Variants in CENPF observed in about 807,000 individuals in gnomAD.
CENPF encodes AH antigen.
A neutral mutation model predicts 307.3 loss-of-function variants in CENPF; 214 were observed. That is an observed-to-expected ratio of 0.70 (90% CI 0.62 to 0.78). The LOEUF (loss-of-function observed/expected upper bound fraction) is 0.78, where lower values mean the gene tolerates loss of function less well. Among genes scored for constraint, CENPF ranks in the 30% least tolerant of loss-of-function variants. The probability of loss-of-function intolerance (pLI) is 0.00; values close to 1 mark genes in which losing one functional copy is unlikely to be tolerated. For synonymous variants in CENPF, 1,259 were observed against 1,270.6 expected (o/e 0.99, Z 0.19); for missense variants, 3,401 against 3,483.9 (o/e 0.98, Z 0.60).
At chr1:214,644,495 C>T in intron 12 of CENPF, 62 bp from the exon 13 acceptor site, 1 of 1,448,628 alleles carries the variant, frequency 6.9e-7, no homozygotes, top group Non-Finnish European at 9.2e-7. Context: ...ATAACTAAAT[C>T]TATTCTATTT....
chr1:214,632,428 T>A, intron 9 of CENPF, 52 bp from the exon 10 acceptor site: 2 of 1,581,274 alleles, frequency 1.3e-6, no homozygotes, highest in South Asian at 1.2e-5. Flanking sequence ...ACATGATTAA[T>A]GAAAAAGTAA....
intron 1 of CENPF, chr1:214,605,437 C>CT (rs1199755413): frequency 2.0e-6 from 1 of 506,836 alleles, no homozygotes; most frequent in African/African-American, 1.9e-5. Context: ...GAAGAATCCG[C>CT]TTTGTTTTTT....
intron 7 of CENPF, among the ~76,000 whole-genome samples, chr1:214,622,965 A>C (rs1234424291): frequency 6.6e-6 from 1 of 152,190 alleles, no homozygotes; most frequent in Non-Finnish European, 1.5e-5. Flanking sequence ...GAATCCCCAC[A>C]CTTTGGGAGG....
chr1:214,634,857 A>T (rs1657913134), intron 10 of CENPF, among the ~76,000 whole-genome samples: 1 of 152,220 alleles, frequency 6.6e-6, no homozygotes, highest in African/African-American at 2.4e-5. Context: ...TAGGTTTTGG[A>T]TGCCGAAATA....
chr1:214,656,994 T>C lies in CENPF; in HGVS notation c.8547T>C (p.Thr2849=), dbSNP rs1201210472. The part of the protein sequence containing the change: ...LTTEIKELKE[T]LEEKTKEADE... ...CTGAGATCAAAGAACTGAAAGAAAC[T>C]CTTGAAGAAAAAACCAAGGAGGCAG... Residue 2849 remains threonine (T), a synonymous_variant, in exon 18 of 20, where the codon ACT becomes ACC. Transcript: ENST00000366955. The C allele has an allele frequency of 2.5e-6, 4 of 1,613,620 alleles. No individual in the cohort carries two copies. Among genetic ancestry groups the C allele is most frequent in the Non-Finnish European group, 2.5e-6 (3 of 1,179,896 alleles).
rs565412846 is a variant in CENPF at position 214,646,574 on chromosome 1, A to C, written c.7004A>C (p.Lys2335Thr). Residue 2335 changes from lysine to threonine, a missense_variant, in exon 13 of 20, where the codon AAG becomes ACG. By Grantham distance (78) the Lys-to-Thr change is moderately conservative. Transcript: ENST00000366955. Reference sequence around the variant, plus strand: ...AGTGAGCATCATGCAGATTTACTTAAGGGTAGAGTGGAGAACCTTGAAAGA... The same window carrying C: ...AGTGAGCATCATGCAGATTTACTTACGGGTAGAGTGGAGAACCTTGAAAGA... Reference protein sequence around the residue: ...KESEHHADLLKGRVENLEREL... With the variant: ...KESEHHADLLTGRVENLEREL... The C allele has an allele frequency of 6.2e-7, 1 of 1,614,136 alleles. No homozygotes were observed. Among genetic ancestry groups the C allele is most frequent in the South Asian group, 1.1e-5 (1 of 91,086 alleles).
Position 214,637,927 on chromosome 1 carries a change from G to T in CENPF, c.1508G>T (p.Cys503Phe). The change falls in exon 11 of 20, where the codon TGC becomes TTC. Residue 503 changes from cysteine (C) to phenylalanine (F), a missense_variant. By Grantham distance (205) the Cys-to-Phe change is radical (BLOSUM62 -2). Coordinates refer to ENST00000366955, the MANE Select transcript of CENPF (RefSeq NM_016343.4). ...SHSEQKAREV[C>F]HLEAELKNIK... Reference sequence around the variant, plus strand: ...TCTGAGCAAAAGGCCAGAGAAGTCTGCCACCTGGAGGCAGAACTCAAGAAC... The same window carrying T: ...TCTGAGCAAAAGGCCAGAGAAGTCTTCCACCTGGAGGCAGAACTCAAGAAC... 6.2e-7 allele frequency: 1 copy of T among 1,613,546 alleles called. No individual in the cohort carries two copies. Among genetic ancestry groups the T allele is most frequent in the Non-Finnish European group, 8.5e-7 (1 of 1,179,892 alleles).
At chr1:214,624,260 G>C (rs1428126735) in intron 7 of CENPF, among the ~76,000 whole-genome samples, 1 of 151,732 alleles carries the variant, frequency 6.6e-6, no homozygotes, top group African/African-American at 2.4e-5. Context: ...TGCCATCTTT[G>C]TTTGATATTT....
At chr1:214,632,707 C>A in intron 10 of CENPF, 105 bp downstream of exon 10, 1 of 1,340,326 alleles carries the variant, frequency 7.5e-7, no homozygotes, top group Non-Finnish European at 1.0e-6. Flanking sequence ...TGACTGTGTG[C>A]CTTTTTCTTT....
intron 16 of CENPF, chr1:214,653,659 A>G (rs1029079416): frequency 6.5e-6 from 1 of 153,500 alleles, no homozygotes; most frequent in African/African-American, 2.4e-5. Context: ...TATTTTACTT[A>G]GAAGACGATT....
chr1:214,643,263 G>T lies in CENPF; in HGVS notation c.4925G>T (p.Arg1642Leu). 6.4e-7 allele frequency: 1 copy of T among 1,568,234 alleles called. No individual in the cohort carries two copies. The highest frequency in any genetic ancestry group is 8.6e-7 in the Non-Finnish European group (1 of 1,162,176). ...CTGTCACTTGAGCTGGAAGTAGCAC[G>T]ACTCCAGCTACAAGGTCTGGACTTA... ...EQLSLELEVA[R>L]LQLQGLDLSS... The change falls in exon 12 of 20, where the codon CGA becomes CTA. Residue 1642 changes from arginine to leucine, a missense_variant. By Grantham distance (102) the Arg-to-Leu change is moderately radical (BLOSUM62 -2). Coordinates refer to ENST00000366955, the MANE Select transcript of CENPF (RefSeq NM_016343.4).
intron 5 of CENPF, among the ~76,000 whole-genome samples, chr1:214,619,929 T>C (rs1287768133): frequency 6.6e-6 from 1 of 152,202 alleles, no homozygotes. Flanking sequence ...AGAAATATCA[T>C]GTGCTTTGTC....
At chr1:214,633,040 C>T (rs1046807954) in intron 10 of CENPF, among the ~76,000 whole-genome samples, 1 of 152,024 alleles carries the variant, frequency 6.6e-6, no homozygotes, top group Non-Finnish European at 1.5e-5. Flanking sequence ...ATTAAAAACA[C>T]GTGGAAAGTC....
intron 3 of CENPF, among the ~76,000 whole-genome samples, chr1:214,617,162 C>T (rs1558171174): frequency 2.0e-5 from 3 of 151,884 alleles, no homozygotes; most frequent in Admixed American, 6.6e-5. Flanking sequence ...AGTGATTCTC[C>T]TGCCTTAGCC....
intron 7 of CENPF, among the ~76,000 whole-genome samples, chr1:214,628,807 A>G (rs1316797666): frequency 6.6e-6 from 1 of 152,026 alleles, no homozygotes; most frequent in Admixed American, 6.6e-5. Context: ...TTGCATTTTA[A>G]CCTCTCATTT....
intron 1 of CENPF, chr1:214,603,524 G>A (rs1325804546): frequency 3.3e-5 from 5 of 152,362 alleles, no homozygotes; most frequent in Middle Eastern, 6.8e-3. Context: ...GGTTCGTAGG[G>A]GTGTCTGCGC....
chr1:214,655,765 A>AT (rs1300113808), intron 17 of CENPF, among the ~76,000 whole-genome samples: 3 of 152,062 alleles, frequency 2.0e-5, no homozygotes, highest in East Asian at 1.9e-4. Flanking sequence ...TAATTTTTGT[A>AT]TTTTTTGTAG....
Position 214,644,625 on chromosome 1 carries a change from A to G in CENPF, c.5055A>G (p.Thr1685=). 6.2e-7 allele frequency: 1 copy of G among 1,613,960 alleles called. No homozygotes were observed. The highest frequency in any genetic ancestry group is 8.5e-7 in the Non-Finnish European group (1 of 1,179,942). Residue 1685 remains threonine, a synonymous_variant, in exon 13 of 20, where the codon ACA becomes ACG. Transcript: ENST00000366955. ...ATACTTCAGAAACTACAGAAAGAAC[A>G]CCAAAGCATGATGTTCATCAGATTT... The part of the protein sequence containing the change: ...KEHTSETTER[T]PKHDVHQICD...
chr1:214,640,160 G>T lies in CENPF; in HGVS notation c.1822G>T (p.Glu608Ter). The T allele has an allele frequency of 6.3e-7, 1 of 1,587,200 alleles. No individual in the cohort carries two copies. Among genetic ancestry groups the T allele is most frequent in the Non-Finnish European group, 8.5e-7 (1 of 1,173,416 alleles). Residue 608 changes from glutamate (E) to a stop codon, truncating the protein, a stop_gained, in exon 12 of 20, where the codon GAA becomes TAA. Transcript: ENST00000366955. LOFTEE classifies it high-confidence loss of function. ...LLSALELKKK[E>*]YEELKEEKTL... ...GAGTGCTTTAGAGTTAAAAAAGAAAGAATATGAAGAATTGAAAGAAGAGAA... is the reference window on the plus strand; with the variant it reads ...GAGTGCTTTAGAGTTAAAAAAGAAATAATATGAAGAATTGAAAGAAGAGAA...
Sources: gnomAD v4.1 joint callset for allele counts (sites outside exome capture counted in the v4.1 genomes callset) on GRCh38, gnomAD v4.1.1 for gene constraint, MANE v1.5 for transcripts, NCBI Gene and HGNC (gene_info 2026-07-23, HGNC 2026-07-21) for gene names.